The following ZNF516 variants were observed in gnomAD, a reference collection of about 807,000 sequenced individuals.
ZNF516 encodes zinc finger protein 516.
In ZNF516, 19 loss-of-function variants were observed where a neutral mutation model predicts 79.7. That is an observed-to-expected ratio of 0.24 (90% CI 0.17 to 0.35). The LOEUF is 0.35. Ranked by LOEUF, ZNF516 falls within the 10% of genes least tolerant of loss-of-function variation. ZNF516 has a pLI of 1.00. For synonymous variants in ZNF516, 877 were observed against 739.5 expected (o/e 1.19, Z -3.02); for missense variants, 1,678 against 1,679.5 (o/e 1.00, Z 0.02).
At chr18:76,397,384 A>T (rs76408597) in intron 3 of ZNF516, among the ~76,000 whole-genome samples, 1 of 152,214 alleles carries the variant, frequency 6.6e-6, no homozygotes, top group Non-Finnish European at 1.5e-5. Flanking sequence ...AGAAAAAAAA[A>T]TCTGAATGAC....
chr18:76,404,491 A>G (rs1263903877), intron 3 of ZNF516, among the ~76,000 whole-genome samples: 3 of 151,402 alleles, frequency 2.0e-5, no homozygotes, highest in Non-Finnish European at 4.4e-5. Context: ...GCATGTAAGC[A>G]TGTGTGCATG....
In ZNF516 at chr18:76,451,792, T is replaced by C. The variant is rs1187612629; in HGVS notation, c.-157-8581A>G. Among the ~76,000 whole-genome samples the C allele has an allele frequency of 6.6e-6, 1 of 152,196 alleles. No homozygotes were observed. Among genetic ancestry groups the C allele is most frequent in the Non-Finnish European group, 1.5e-5 (1 of 68,046 alleles). On this transcript the variant is annotated intron_variant, in intron 2 of 6. Transcript: ENST00000443185. This position sits in a 1 kb window ranked among gnomAD's most constrained non-coding sequence, Gnocchi z 6.0. ...ATCATTAACATCCTGGACAAGCTTA[T>C]CTTACTACTGAGACAAAAAGCCTAT... is the stretch of plus-strand genomic sequence containing the variant.
intron 3 of ZNF516, among the ~76,000 whole-genome samples, chr18:76,395,212 C>A (rs564170962): frequency 6.6e-6 from 1 of 152,334 alleles, no homozygotes; most frequent in African/African-American, 2.4e-5. Flanking sequence ...CCCACACAGG[C>A]ACTCCTGCTG....
chr18:76,366,264 A>T (rs1468905121), intron 6 of ZNF516, among the ~76,000 whole-genome samples: 1 of 152,204 alleles, frequency 6.6e-6, no homozygotes, highest in Non-Finnish European at 1.5e-5. Context: ...GATAGACGGT[A>T]TATCACAATT....
chr18:76,405,649 G>T (rs917172026), intron 3 of ZNF516, among the ~76,000 whole-genome samples: 2 of 151,880 alleles, frequency 1.3e-5, no homozygotes, highest in African/African-American at 4.8e-5. Context: ...TAAGCACCAC[G>T]GTGAAACATT....
chr18:76,457,979 T>G (rs1912833213), intron 2 of ZNF516, among the ~76,000 whole-genome samples: 1 of 152,244 alleles, frequency 6.6e-6, no homozygotes, highest in Non-Finnish European at 1.5e-5. Context: ...AGGCCCAATG[T>G]ACTTTGCAGC....
intron 3 of ZNF516, among the ~76,000 whole-genome samples, chr18:76,414,553 T>C (rs1392600021): frequency 6.6e-6 from 1 of 152,248 alleles, no homozygotes; most frequent in Non-Finnish European, 1.5e-5. Flanking sequence ...TATTTGAATC[T>C]ACATACTACT....
intron 6 of ZNF516, among the ~76,000 whole-genome samples, chr18:76,364,290 C>T (rs540967544): frequency 5.9e-5 from 9 of 152,106 alleles, no homozygotes; most frequent in African/African-American, 2.2e-4. Context: ...ATTGATTCAC[C>T]GGAGGCCACC....
intron 3 of ZNF516, among the ~76,000 whole-genome samples, chr18:76,433,498 G>A (rs1281031197): frequency 6.6e-6 from 1 of 152,248 alleles, no homozygotes; most frequent in Non-Finnish European, 1.5e-5. Context: ...GGGCCAGCCT[G>A]AGGCCCAGGT....
At chr18:76,382,500 T>C (rs1474758390) in intron 3 of ZNF516, among the ~76,000 whole-genome samples, 1 of 152,120 alleles carries the variant, frequency 6.6e-6, no homozygotes, top group Non-Finnish European at 1.5e-5. Flanking sequence ...CCCCTGTACA[T>C]CTGTGGGGTT....
intron 2 of ZNF516, among the ~76,000 whole-genome samples, chr18:76,447,595 T>C (rs1912135319): frequency 1.3e-5 from 2 of 152,182 alleles, no homozygotes; most frequent in African/African-American, 4.8e-5. Flanking sequence ...ACGGAAAGGT[T>C]CTGCAACAAC....
chr18:76,496,418 G>A, upstream of ZNF516: 2 of 1,289,634 alleles, frequency 1.6e-6, no homozygotes, highest in Non-Finnish European at 2.0e-6. Context: ...GTCTCTCTCT[G>A]CGCCTCACAC....
chr18:76,409,413 A>G (rs1027981116), intron 3 of ZNF516, among the ~76,000 whole-genome samples: 1 of 152,220 alleles, frequency 6.6e-6, no homozygotes, highest in East Asian at 1.9e-4. Flanking sequence ...AAATGCTACC[A>G]TTGTCACAAC....
At chr18:76,385,991 T>C (rs1651948744) in intron 3 of ZNF516, 1 of 152,310 alleles carries the variant, frequency 6.6e-6, no homozygotes. Flanking sequence ...CCCCATGCTC[T>C]CTCTGCAAGA....
chr18:76,371,619 G>T, intron 4 of ZNF516, 48 bp from the exon 5 acceptor site: 1 of 1,520,308 alleles, frequency 6.6e-7, no homozygotes, highest in Non-Finnish European at 9.0e-7. Flanking sequence ...TGGGGTTGGC[G>T]TGGAGGTGAG....
At chr18:76,492,906 A>T in intron 1 of ZNF516, 1 of 985,578 alleles carries the variant, frequency 1.0e-6, no homozygotes, top group Non-Finnish European at 1.2e-6. Context: ...ATCTGTGTAA[A>T]TGCAGAAGCC....
At chr18:76,474,405 C>A (rs1652457692) in intron 1 of ZNF516, among the ~76,000 whole-genome samples, 1 of 152,056 alleles carries the variant, frequency 6.6e-6, no homozygotes, top group Non-Finnish European at 1.5e-5. Flanking sequence ...TACCATGACA[C>A]TAAAAATTAA....
rs527389277 is a variant in ZNF516, at chr18:76,486,944, T to C, written c.-272+8200A>G. Among the ~76,000 whole-genome samples, 8 of 152,314 alleles carry C rather than the reference T, an allele frequency of 5.3e-5. 1 individual carries two copies. In the South Asian group the frequency reaches 1.7e-3, roughly 32 times the overall value. Reference sequence around the variant, plus strand: ...TAACACAGAGTTAAAATACAGTATATGGTAAGATGTATCTAAACCTACTAT... The same window carrying C: ...TAACACAGAGTTAAAATACAGTATACGGTAAGATGTATCTAAACCTACTAT... On this transcript the variant is annotated intron_variant, in intron 1 of 6. Transcript: ENST00000443185.
rs755032521 is a variant in ZNF516 at position 76,380,197 on chromosome 18, G to T, written c.1917C>A (p.Thr639=). 1 of 1,613,808 alleles carries T rather than the reference G, an allele frequency of 6.2e-7. No individual in the cohort carries two copies. The highest frequency in any genetic ancestry group is 8.5e-7 in the Non-Finnish European group (1 of 1,179,888). ...CTGCGATCCCTGCCTTGGACTCGCC[G>T]GTGTCTCTTTCCGAGGCGTTATCTC... ...KMGDNASERD[T]GESKAGIAAS... Residue 639 remains threonine (T), a synonymous_variant, in exon 4 of 7, where the codon ACC becomes ACA. Transcript: ENST00000443185.
Sources: gnomAD v4.1 joint callset for allele counts (sites outside exome capture counted in the v4.1 genomes callset) on GRCh38, gnomAD v4.1.1 for gene constraint, Gnocchi (gnomAD v3.1) non-coding constraint, MANE v1.5 for transcripts, NCBI Gene and HGNC (gene_info 2026-07-23, HGNC 2026-07-21) for gene names.